Variants in METTL15 observed in about 807,000 individuals in gnomAD.
METTL15 encodes the protein 12S rRNA N(4)-cytidine methyltransferase METTL15.
Under a neutral mutation model 38.3 loss-of-function variants are expected in METTL15, and 34 were observed. That is an observed-to-expected ratio of 0.89 (90% CI 0.68 to 1.18). The LOEUF is 1.18. Among genes scored for constraint, METTL15 ranks in the 50% most tolerant of loss-of-function variants. The pLI is 0.00. For synonymous variants in METTL15, 162 were observed against 170.9 expected, an observed-to-expected ratio of 0.95 and a Z score of 0.41; for missense variants, 438 against 498.4, an observed-to-expected ratio of 0.88 and a Z score of 1.15.
At chr11:28,402,121 T>A (rs1850635793) in intron 5 of METTL15, among the ~76,000 whole-genome samples, 1 of 151,956 alleles carries the variant, frequency 6.6e-6, no homozygotes, top group African/African-American at 2.4e-5. Flanking sequence ...TTTCTATTAC[T>A]TAGGTCTCTG....
At chr11:28,397,535 T>A (rs937089339) in intron 5 of METTL15, among the ~76,000 whole-genome samples, 7 of 151,916 alleles carry the variant, frequency 4.6e-5, no homozygotes, top group African/African-American at 1.7e-4. Flanking sequence ...AAAACCACAA[T>A]GAGATACCAT....
At chr11:28,325,419 C>T (rs1385680002) in intron 6 of METTL15, among the ~76,000 whole-genome samples, 5 of 152,166 alleles carry the variant, frequency 3.3e-5, no homozygotes, top group Non-Finnish European at 5.9e-5. Context: ...GCAATAGACA[C>T]ACACAGGCTT....
intron 4 of METTL15, among the ~76,000 whole-genome samples, chr11:28,233,168 A>T (rs1247511549): frequency 6.6e-6 from 1 of 152,094 alleles, no homozygotes; most frequent in Non-Finnish European, 1.5e-5. Context: ...CAGTGACTAT[A>T]AATGCCAAAA....
chr11:28,251,673 ACT>A (rs1282645738), intron 4 of METTL15, among the ~76,000 whole-genome samples: 3 of 151,840 alleles, frequency 2.0e-5, no homozygotes, highest in African/African-American at 7.3e-5. Flanking sequence ...GGCTTCCATA[ACT>A]CTCTGAATTT....
At chr11:28,451,653 A>T (rs1851121859) in intron 6 of METTL15, among the ~76,000 whole-genome samples, 1 of 152,168 alleles carries the variant, frequency 6.6e-6, no homozygotes, top group African/African-American at 2.4e-5. Flanking sequence ...ATGGTAAATA[A>T]GGAAATACAG....
At chr11:28,215,861 C>G (rs753416608) in intron 4 of METTL15, among the ~76,000 whole-genome samples, 1 of 152,018 alleles carries the variant, frequency 6.6e-6, no homozygotes, top group African/African-American at 2.4e-5. Flanking sequence ...TAGTGAGACA[C>G]CGTTTCTTAC....
chr11:28,177,101 A>G (rs1851104908), intron 3 of METTL15, among the ~76,000 whole-genome samples: 1 of 152,034 alleles, frequency 6.6e-6, no homozygotes, highest in Non-Finnish European at 1.5e-5. Flanking sequence ...GGTCTTCCAC[A>G]TTGTTAATTT....
At chr11:28,122,168 A>C (rs1274891302) in intron 3 of METTL15, 1 of 1,240,434 alleles carries the variant, frequency 8.1e-7, no homozygotes, top group Admixed American at 2.7e-5. Flanking sequence ...GTGTGGGAAT[A>C]TGAATCCTAC....
chr11:28,475,776 A>G (rs1415421054), intron 6 of METTL15, among the ~76,000 whole-genome samples: 1 of 152,178 alleles, frequency 6.6e-6, no homozygotes, highest in African/African-American at 2.4e-5. Flanking sequence ...GTTTTTCCAA[A>G]GCCAACCTTC....
intron 4 of METTL15, among the ~76,000 whole-genome samples, chr11:28,244,443 GT>G (rs11300496): frequency 0.026 from 4,005 of 152,036 alleles, 179 homozygotes; most frequent in African/African-American, 0.092. Context: ...ATAAGATTGG[GT>G]TTTTTTGTTT....
chr11:28,359,486 G>T (rs1160556623), intron 4 of METTL15, among the ~76,000 whole-genome samples: 1 of 152,044 alleles, frequency 6.6e-6, no homozygotes, highest in Non-Finnish European at 1.5e-5. Flanking sequence ...TTAATTTTTT[G>T]AGAAATCTCC....
intron 3 of METTL15, among the ~76,000 whole-genome samples, chr11:28,189,099 C>T (rs1851610354): frequency 6.6e-6 from 1 of 151,290 alleles, no homozygotes; most frequent in African/African-American, 2.4e-5. Context: ...ATATTATAAA[C>T]TGACTTAAAT....
Position 28,126,546 on chromosome 11 carries a change from T to C in METTL15, c.270+12942T>C, listed in dbSNP as rs78450602. Among the ~76,000 whole-genome samples the C allele has an allele frequency of 4.4e-3, 671 of 152,184 alleles. 7 individuals carry two copies. Among genetic ancestry groups the C allele is most frequent in the African/African-American group, 0.016 (647 of 41,552 alleles). On this transcript the variant is annotated intron_variant, in intron 3 of 6. Transcript: ENST00000407364. ...AAGAAAGGTCCTACAGAAAGAGACA[T>C]TGAGGAGATAGATGTGGCAATGATT...
chr11:28,294,843 G>T, intron 5 of METTL15, among the ~76,000 whole-genome samples: 1 of 152,156 alleles, frequency 6.6e-6, no homozygotes, highest in East Asian at 1.9e-4. Flanking sequence ...TATATGTATT[G>T]TCCAATTATT....
intron 4 of METTL15, among the ~76,000 whole-genome samples, chr11:28,358,492 G>C (rs906957262): frequency 1.3e-5 from 2 of 152,358 alleles, no homozygotes; most frequent in East Asian, 1.9e-4. Flanking sequence ...AGTGTCCCAT[G>C]ATGAATTTAG....
intron 5 of METTL15, among the ~76,000 whole-genome samples, chr11:28,409,685 A>G (rs984917496): frequency 2.6e-5 from 4 of 152,080 alleles, no homozygotes; most frequent in Non-Finnish European, 1.5e-5. Context: ...GAAGAAAAAT[A>G]CCTCAAATAA....
At chr11:28,317,120 C>T (rs1857507522) in intron 6 of METTL15, among the ~76,000 whole-genome samples, 1 of 151,934 alleles carries the variant, frequency 6.6e-6, no homozygotes, top group South Asian at 2.1e-4. Flanking sequence ...AAACTTATAA[C>T]TTTATTTTTT....
At chr11:28,213,556 C>G (rs561261412) in intron 4 of METTL15, among the ~76,000 whole-genome samples, 3 of 148,960 alleles carry the variant, frequency 2.0e-5, no homozygotes, top group Admixed American at 6.7e-5. Context: ...ATGTCATTAC[C>G]GTAATAGAAA....
chr11:28,223,477 TA>T (rs1306060421), intron 4 of METTL15, among the ~76,000 whole-genome samples: 2 of 152,164 alleles, frequency 1.3e-5, no homozygotes, highest in African/African-American at 4.8e-5. Flanking sequence ...CATATCTTCT[TA>T]AAAATATTTA....
Sources: gnomAD v4.1 joint callset for allele counts (sites outside exome capture counted in the v4.1 genomes callset) on GRCh38, gnomAD v4.1.1 for gene constraint, MANE v1.5 for transcripts, NCBI Gene and HGNC (gene_info 2026-07-23, HGNC 2026-07-21) for gene names.